Variants in MROH7 observed in about 807,000 individuals in gnomAD.
The protein encoded by MROH7 is maestro heat like repeat family member 7.
In MROH7, 113 loss-of-function variants were observed where a neutral mutation model predicts 129.2. That is an observed-to-expected ratio of 0.87 (90% CI 0.75 to 1.02). The LOEUF (loss-of-function observed/expected upper bound fraction) is 1.02, where lower values mean the gene tolerates loss of function less well. Among genes scored for constraint, MROH7 ranks in the 50% least tolerant of loss-of-function variants. MROH7 has a pLI of 0.00. For missense variants in MROH7, 1,601 were observed against 1,671.3 expected (o/e 0.96, Z 0.73); for synonymous variants, 655 against 667.9 (o/e 0.98, Z 0.30).
chr1:54,675,860 T>C (rs35756469), intron 10 of MROH7, among the ~76,000 whole-genome samples: 17 of 151,774 alleles, frequency 1.1e-4, no homozygotes, highest in Non-Finnish European at 1.9e-4. Context: ...GGTCTCGAAC[T>C]TCTGGGCTCA....
At chr1:54,680,785 A>C (rs1029976173) in intron 13 of MROH7, among the ~76,000 whole-genome samples, 14 of 152,232 alleles carry the variant, frequency 9.2e-5, no homozygotes, top group Admixed American at 6.5e-5. Flanking sequence ...TTGAGAGCCA[A>C]AGAACTGTGC....
At chr1:54,670,643 A>G in intron 6 of MROH7, 67 bp downstream of exon 6, 6 of 1,509,666 alleles carry the variant, frequency 4.0e-6, no homozygotes, top group Non-Finnish European at 4.5e-6. Context: ...GCCTCCCTCC[A>G]TCTCTTCGCT....
chr1:54,705,957 AC>A (rs1402445696), intron 21 of MROH7, among the ~76,000 whole-genome samples: 1 of 152,116 alleles, frequency 6.6e-6, no homozygotes, highest in Non-Finnish European at 1.5e-5. Flanking sequence ...AGACTATTTT[AC>A]CCAAAACGTG....
At chr1:54,700,672 A>G (rs1281802174) in intron 18 of MROH7, among the ~76,000 whole-genome samples, 2 of 152,250 alleles carry the variant, frequency 1.3e-5, no homozygotes, top group East Asian at 3.8e-4. Context: ...GTTTTTCACA[A>G]TGATTCTAAA....
intron 12 of MROH7, 124 bp from the exon 13 acceptor site, chr1:54,679,767 C>A: frequency 1.1e-6 from 1 of 948,414 alleles, no homozygotes. Flanking sequence ...TCCTCTCTCT[C>A]TCCTTTGGGC....
intron 3 of MROH7, among the ~76,000 whole-genome samples, chr1:54,664,503 G>A (rs772660804): frequency 3.9e-5 from 6 of 152,182 alleles, no homozygotes; most frequent in African/African-American, 1.2e-4. Context: ...CAAAGGCCCT[G>A]AGGGGAAATG....
Position 54,692,525 on chromosome 1 carries a change from T to A in MROH7, c.2813T>A (p.Val938Glu). 1 of 1,610,796 alleles carries A rather than the reference T, an allele frequency of 6.2e-7. No individual in the cohort carries two copies. Among genetic ancestry groups the A allele is most frequent in the South Asian group, 1.1e-5 (1 of 90,982 alleles). ...GGTGGCTGGGAGCTCATGGAGCAGG[T>A]GGAGAGCCACCACCGCGGAGTGGCC... The part of the protein sequence containing the change: ...DQGGWELMEQ[V>E]ESHHRGVALL... The change falls in exon 16 of 24, where the codon GTG (valine) becomes GAG (glutamate). Residue 938 changes from valine to glutamate, a missense_variant. Physicochemically the swap from Val to Glu is moderately radical, Grantham distance 121. Transcript: ENST00000421030.
At chr1:54,658,770 T>C (rs1644686345) in intron 3 of MROH7, among the ~76,000 whole-genome samples, 1 of 152,178 alleles carries the variant, frequency 6.6e-6, no homozygotes, top group Non-Finnish European at 1.5e-5. Flanking sequence ...TGGGAAATTC[T>C]TTGGTGTGTG....
At chr1:54,688,048 C>T (rs578062068) in intron 15 of MROH7, among the ~76,000 whole-genome samples, 16 of 150,910 alleles carry the variant, frequency 1.1e-4, no homozygotes, top group Middle Eastern at 3.4e-3. Flanking sequence ...GGTGAAACCC[C>T]GTCTCTACTA....
At chr1:54,687,045 C>CTTAT (rs143476331) in intron 15 of MROH7, among the ~76,000 whole-genome samples, 6,606 of 145,556 alleles carry the variant, frequency 0.045, 152 homozygotes, top group Middle Eastern at 0.088. Context: ...GAGCTGTCTC[C>CTTAT]TTATTTATTT....
At position 54,673,686 on chromosome 1, in the gene MROH7, C is replaced by T. The variant is rs1278696763; in HGVS notation, c.1696-15C>T. 1 of 1,604,640 alleles carries T rather than the reference C, an allele frequency of 6.2e-7. No individual in the cohort carries two copies. The highest frequency in any genetic ancestry group is 8.5e-7 in the Non-Finnish European group (1 of 1,171,430). ...ATCTAACCTGTAGTTCTGAGTCTTG[C>T]TTTTGATCCCACAGGCCCTGGGGCC... On this transcript the variant is annotated splice_polypyrimidine_tract_variant and intron_variant, in intron 8 of 23. Transcript: ENST00000421030.
intron 4 of MROH7, chr1:54,665,904 G>A (rs1644806139): frequency 6.6e-6 from 1 of 152,446 alleles, no homozygotes; most frequent in African/African-American, 2.4e-5. Context: ...GGCGGAGATG[G>A]GGAGAAGTGA....
chr1:54,661,266 G>A (rs574859068), intron 3 of MROH7, among the ~76,000 whole-genome samples: 10 of 152,322 alleles, frequency 6.6e-5, no homozygotes, highest in African/African-American at 2.2e-4. Flanking sequence ...AGGCTGGAGT[G>A]CAGTGGCACA....
intron 15 of MROH7, among the ~76,000 whole-genome samples, chr1:54,688,625 G>T (rs1011114326): frequency 6.6e-6 from 1 of 152,156 alleles, no homozygotes; most frequent in South Asian, 2.1e-4. Flanking sequence ...CTATGAAATG[G>T]ATAAATGATT....
chr1:54,649,749 A>G (rs1194025153), intron 1 of MROH7, among the ~76,000 whole-genome samples: 1 of 152,238 alleles, frequency 6.6e-6, no homozygotes, highest in African/African-American at 2.4e-5. Context: ...GTGTGTGTGC[A>G]TGTGGCACGT....
intron 3 of MROH7, among the ~76,000 whole-genome samples, chr1:54,660,245 G>A (rs1180971976): frequency 6.6e-6 from 1 of 152,146 alleles, no homozygotes; most frequent in African/African-American, 2.4e-5. Context: ...CTACATGGTG[G>A]TAGGTGGAAG....
intron 4 of MROH7, 25 bp from the exon 5 acceptor site, chr1:54,668,829 G>A: frequency 4.4e-6 from 7 of 1,596,932 alleles, no homozygotes; most frequent in East Asian, 2.2e-5. Flanking sequence ...CTCACTCTGA[G>A]GTTTTGCCCT....
At chr1:54,670,959 A>G (rs764649622) in intron 7 of MROH7, 30 bp downstream of exon 7, 52 of 1,567,056 alleles carry the variant, frequency 3.3e-5, no homozygotes, top group Non-Finnish European at 4.2e-5. Flanking sequence ...GCAGGGCCTC[A>G]GGGCTGGCCC....
In MROH7 at chr1:54,674,006, A is replaced by G. The variant is rs746451240; in HGVS notation, c.1801-10A>G. ...ATAACACTCAATCCCTAAGATTGCAATACAAACAGATGCCCTTGGGGTTCC... is the reference window on the plus strand; with the variant it reads ...ATAACACTCAATCCCTAAGATTGCAGTACAAACAGATGCCCTTGGGGTTCC... On this transcript the variant is annotated splice_polypyrimidine_tract_variant and intron_variant, in intron 9 of 23. Transcript: ENST00000421030. 4 of 1,613,546 alleles carry G rather than the reference A, an allele frequency of 2.5e-6. No individual in the cohort carries two copies. In the East Asian group the frequency reaches 8.9e-5, roughly 36 times the overall value.
Sources: allele counts gnomAD v4.1 joint callset (sites outside exome capture counted in the v4.1 genomes callset), GRCh38; gene constraint gnomAD v4.1.1; transcripts MANE v1.5; gene names NCBI Gene and HGNC (gene_info 2026-07-23, HGNC 2026-07-21).